Variants in ZFP69B observed in about 807,000 individuals in gnomAD.
ZFP69B encodes the protein zinc finger protein 69 homolog B.
A neutral mutation model predicts 19.7 loss-of-function variants in ZFP69B; 20 were observed. The ratio of observed to expected loss-of-function variants is 1.02; its 90% CI spans 0.71 to 1.48. ZFP69B has a LOEUF of 1.48. ZFP69B is among the 40% of genes most tolerant of loss of function. The pLI is 0.00. For synonymous variants in ZFP69B, 220 were observed against 222.7 expected, an observed-to-expected ratio of 0.99 and a Z score of 0.11; for missense variants, 583 against 632.6, an observed-to-expected ratio of 0.92 and a Z score of 0.84.
chr1:40,458,529 T>G (rs1180868661), intron 4 of ZFP69B, among the ~76,000 whole-genome samples: 2 of 146,862 alleles, frequency 1.4e-5, no homozygotes, highest in African/African-American at 5.2e-5. Flanking sequence ...TTTTTTTTTC[T>G]TTTTTGAGAC....
At position 40,454,235 on chromosome 1, in the gene ZFP69B, G is replaced by T; in HGVS notation, c.160G>T (p.Gly54Cys). 2 of 1,605,618 alleles carry T rather than the reference G, an allele frequency of 1.2e-6. No individual in the cohort carries two copies. Among genetic ancestry groups the T allele is most frequent in the Non-Finnish European group, 1.7e-6 (2 of 1,175,180 alleles). Residue 54 changes from glycine (G) to cysteine (C), a missense_variant, in exon 2 of 5, where the codon GGC (glycine) becomes TGC (cysteine). Gly to Cys is a radical substitution (Grantham distance 159). Transcript: ENST00000361584. ...LLSQDADETQ[G>C]ESLESRVTLG... Reference sequence around the variant, plus strand: ...GTCTCAGGATGCTGATGAGACCCAGGGCGAAAGTTTAGAGAGTAGAGTGAC... The same window carrying T: ...GTCTCAGGATGCTGATGAGACCCAGTGCGAAAGTTTAGAGAGTAGAGTGAC...
At chr1:40,458,496 C>G (rs1259157255) in intron 4 of ZFP69B, among the ~76,000 whole-genome samples, 1 of 151,120 alleles carries the variant, frequency 6.6e-6, no homozygotes, top group Non-Finnish European at 1.5e-5. Flanking sequence ...TGATCATACA[C>G]TGATCTGGAG....
intron 2 of ZFP69B, among the ~76,000 whole-genome samples, chr1:40,454,690 C>A (rs1645217163): frequency 6.6e-6 from 1 of 152,190 alleles, no homozygotes; most frequent in African/African-American, 2.4e-5. Context: ...AGCCACCACG[C>A]CCAGCCGATT....
In ZFP69B at chr1:40,462,592, G is replaced by T. The variant is rs373664999; in HGVS notation, c.608G>T (p.Arg203Ile). 2.0e-4 allele frequency: 326 copies of T among 1,613,972 alleles called. No homozygotes were observed. Among genetic ancestry groups the T allele is most frequent in the Non-Finnish European group, 2.7e-4 (318 of 1,180,004 alleles). ...NKLESQQENQ[R>I]MGKGQIPLMC... ...CTAGAAAGCCAACAAGAGAACCAAA[G>T]AATGGGTAAGGGGCAAATCCCCCTG... Residue 203 changes from arginine (R) to isoleucine (I), a missense_variant, in exon 5 of 5, where the codon AGA becomes ATA. Transcript: ENST00000361584.
At chr1:40,454,903 TGTA>T (rs1013381528) in intron 2 of ZFP69B, among the ~76,000 whole-genome samples, 2 of 152,212 alleles carry the variant, frequency 1.3e-5, no homozygotes, top group Middle Eastern at 3.2e-3. Context: ...AGTAATGTAA[TGTA>T]GTCCTAGCCC....
intron 4 of ZFP69B, among the ~76,000 whole-genome samples, chr1:40,460,902 A>G (rs975964623): frequency 6.7e-5 from 10 of 150,320 alleles, no homozygotes; most frequent in Non-Finnish European, 1.5e-4. Flanking sequence ...AATCATGTGA[A>G]CCCAGGAGGT....
intron 2 of ZFP69B, among the ~76,000 whole-genome samples, chr1:40,454,520 T>C (rs1379857311): frequency 6.6e-6 from 1 of 152,162 alleles, no homozygotes; most frequent in Non-Finnish European, 1.5e-5. Context: ...TGCCTCAGCC[T>C]CCCGAGTAGC....
intron 4 of ZFP69B, 32 bp downstream of exon 4, chr1:40,457,471 G>A (rs765984058): frequency 1.9e-6 from 3 of 1,588,088 alleles, no homozygotes; most frequent in African/African-American, 1.3e-5. Flanking sequence ...CCTTTGTGAT[G>A]TTAGCCAGAG....
chr1:40,463,237 C>G lies in ZFP69B; in HGVS notation c.1253C>G (p.Pro418Arg). 1 of 1,614,056 alleles carries G rather than the reference C, an allele frequency of 6.2e-7. No individual in the cohort carries two copies. Among genetic ancestry groups the G allele is most frequent in the Non-Finnish European group, 8.5e-7 (1 of 1,180,006 alleles). Residue 418 changes from proline (P) to arginine (R), a missense_variant, in exon 5 of 5, where the codon CCC (proline) becomes CGC (arginine). Transcript: ENST00000361584. ...GAGATTATTCATACTGGTGTGAAAC[C>G]CTATATTTGTAATGTATGTAGTAAA... ...QHEIIHTGVK[P>R]YICNVCSKTF...
chr1:40,463,116 C>G lies in ZFP69B; in HGVS notation c.1132C>G (p.Leu378Val). ...CEKAFSQSIG[L>V]IQHLRTHVRE... ...GAAAGCCTTCAGCCAGAGCATTGGA[C>G]TGATCCAGCATTTGAGAACTCATGT... Residue 378 changes from leucine to valine, a missense_variant, in exon 5 of 5, where the codon CTG (leucine) becomes GTG (valine). By Grantham distance (32) the Leu-to-Val change is conservative (BLOSUM62 1). Coordinates refer to ENST00000361584, the MANE Select transcript of ZFP69B (RefSeq NM_023070.3). 1 of 1,614,174 alleles carries G rather than the reference C, an allele frequency of 6.2e-7. No homozygotes were observed. Among genetic ancestry groups the G allele is most frequent in the Non-Finnish European group, 8.5e-7 (1 of 1,180,022 alleles).
At position 40,462,919 on chromosome 1, in the gene ZFP69B, G is replaced by T. The variant is rs1455525786; in HGVS notation, c.935G>T (p.Cys312Phe). Residue 312 changes from cysteine (C) to phenylalanine (F), a missense_variant, in exon 5 of 5, where the codon TGT becomes TTT. Cys to Phe is a radical substitution (Grantham distance 205). Transcript: ENST00000361584. The stretch of plus-strand genomic sequence containing the variant: ...GAGAAACCTTTCAGATGTAAGGAAT[G>T]TGGAAAAGCCTTTAGCCAAAGTTCA... The part of the protein sequence containing the change: ...TGEKPFRCKE[C>F]GKAFSQSSSL... 2 of 1,614,204 alleles carry T rather than the reference G, an allele frequency of 1.2e-6. No homozygotes were observed. The highest frequency in any genetic ancestry group is 8.5e-7 in the Non-Finnish European group (1 of 1,180,038).
chr1:40,454,862 T>A (rs901176579), intron 2 of ZFP69B, among the ~76,000 whole-genome samples: 4 of 152,092 alleles, frequency 2.6e-5, no homozygotes, highest in African/African-American at 9.7e-5. Flanking sequence ...CATGTGTGTG[T>A]GAGAGAGAAA....
intron 4 of ZFP69B, among the ~76,000 whole-genome samples, 153 bp downstream of exon 4, chr1:40,457,592 C>A (rs1185638573): frequency 6.6e-6 from 1 of 152,202 alleles, no homozygotes; most frequent in Non-Finnish European, 1.5e-5. Flanking sequence ...ACACTTCCAT[C>A]TTCTCATTAG....
intron 4 of ZFP69B, 107 bp from the exon 5 acceptor site, chr1:40,462,314 A>G: frequency 9.7e-7 from 1 of 1,026,782 alleles, no homozygotes; most frequent in Non-Finnish European, 1.4e-6. Context: ...AGGATGATCC[A>G]GAACTCCTGT....
Position 40,462,452 on chromosome 1 carries a change from A to C in ZFP69B, c.468A>C (p.Ser156=). 1 of 1,599,514 alleles carries C rather than the reference A, an allele frequency of 6.3e-7. No individual in the cohort carries two copies. Among genetic ancestry groups the C allele is most frequent in the Non-Finnish European group, 8.5e-7 (1 of 1,175,902 alleles). ...DLKSKTKTKE[S]ALQNDISWEE... ...AGAGCAAAACAAAAACCAAAGAGTC[A>C]GCCTTACAGAATGATATTTCGTGGG... is the stretch of plus-strand genomic sequence containing the variant. Residue 156 remains serine (S), a synonymous_variant, in exon 5 of 5, where the codon TCA becomes TCC. Coordinates refer to ENST00000361584, the MANE Select transcript of ZFP69B (RefSeq NM_023070.3).
In ZFP69B at chr1:40,462,783, G is replaced by GTTA; in HGVS notation, c.800_802dup (p.Val267_Asn268insIle). ...GAGAAGCAGATACAACATAGATTTAGTTAATCATTCAAGGAGTTATACAAA... is the reference window on the plus strand; with the variant it reads ...GAGAAGCAGATACAACATAGATTTAGTTATTAATCATTCAAGGAGTTATACAAA... On this transcript the variant is annotated inframe_insertion, in exon 5 of 5. Transcript: ENST00000361584. The GTTA allele has an allele frequency of 3.1e-6, 5 of 1,613,508 alleles. No homozygotes were observed. Among genetic ancestry groups the GTTA allele is most frequent in the Non-Finnish European group, 4.2e-6 (5 of 1,179,850 alleles).
chr1:40,457,539 C>A (rs1569978856), intron 4 of ZFP69B, 100 bp downstream of exon 4: 1 of 908,536 alleles, frequency 1.1e-6, no homozygotes, highest in Non-Finnish European at 1.7e-6. Flanking sequence ...GTGGATGGTA[C>A]ATTCAAGAAA....
rs576740711 is a variant in ZFP69B, at chr1:40,454,238, G to A, written c.163G>A (p.Glu55Lys). The A allele has an allele frequency of 1.2e-4, 190 of 1,605,044 alleles. No homozygotes were observed. The highest frequency in any genetic ancestry group is 4.5e-4 in the Admixed American group (27 of 59,602). Residue 55 changes from glutamate (E) to lysine (K), a missense_variant, in exon 2 of 5, where the codon GAA becomes AAA. Glu to Lys is a moderately conservative substitution (Grantham distance 56, BLOSUM62 1). Transcript: ENST00000361584. ...TCAGGATGCTGATGAGACCCAGGGC[G>A]AAAGTTTAGAGAGTAGAGTGACCCT... ...LSQDADETQG[E>K]SLESRVTLGS...
chr1:40,463,319 A>C lies in ZFP69B; in HGVS notation c.1335A>C (p.Arg445Ser), dbSNP rs1172620391. 1 of 1,614,188 alleles carries C rather than the reference A, an allele frequency of 6.2e-7. No individual in the cohort carries two copies. The change falls in exon 5 of 5, where the codon AGA (arginine) becomes AGC (serine). Residue 445 changes from arginine to serine, a missense_variant. Physicochemically the swap from Arg to Ser is moderately radical, Grantham distance 110. Transcript: ENST00000361584. ...ACCAGAGAACTCATACTGGAGAAAG[A>C]CCATATAAATGTAAGGAATGTGGGA... ...TQHQRTHTGE[R>S]PYKCKECGKA...
Sources: gnomAD v4.1 joint callset for allele counts (sites outside exome capture counted in the v4.1 genomes callset) on GRCh38, gnomAD v4.1.1 for gene constraint, MANE v1.5 for transcripts, NCBI Gene and HGNC (gene_info 2026-07-23, HGNC 2026-07-21) for gene names.